USP34: variants seen among roughly 807,000 people sequenced by gnomAD.
USP34 encodes the protein ubiquitin specific peptidase 34, also known as ubiquitin carboxyl-terminal hydrolase 34.
Under a neutral mutation model 460.3 loss-of-function variants are expected in USP34, and 70 were observed. That is an observed-to-expected ratio of 0.15 (90% CI 0.13 to 0.19). The LOEUF (loss-of-function observed/expected upper bound fraction) is 0.19, where lower values mean the gene tolerates loss of function less well. Ranked by LOEUF, USP34 falls within the 10% of genes least tolerant of loss-of-function variation. The probability of loss-of-function intolerance (pLI) is 1.00; values close to 1 mark genes in which losing one functional copy is unlikely to be tolerated. For missense variants in USP34, 3,985 were observed against 4,236.2 expected, an observed-to-expected ratio of 0.94 and a Z score of 1.65; for synonymous variants, 1,647 against 1,405.3, an observed-to-expected ratio of 1.17 and a Z score of -3.85.
Position 61,440,112 on chromosome 2 carries a change from G to C in USP34, c.44-19279C>G, listed in dbSNP as rs1320965561. On this transcript the variant is annotated intron_variant, in intron 1 of 79. Coordinates refer to ENST00000398571, the MANE Select transcript of USP34 (RefSeq NM_014709.4). Reference sequence around the variant, plus strand: ...GAGGCACCTGCCTGAGTGCTACACAGAAAGCCAGCAGCATGGCCGTCCCTC... The same window carrying C: ...GAGGCACCTGCCTGAGTGCTACACACAAAGCCAGCAGCATGGCCGTCCCTC... 3.3e-5 allele frequency among the ~76,000 whole-genome samples: 5 copies of C among 152,098 alleles called. 1 individual carries two copies. The highest frequency in any genetic ancestry group is 1.9e-4 in the East Asian group (1 of 5,176).
At chr2:61,240,263 A>C (rs1688214059) in intron 53 of USP34, among the ~76,000 whole-genome samples, 2 of 152,156 alleles carry the variant, frequency 1.3e-5, no homozygotes, top group South Asian at 4.1e-4. Flanking sequence ...ATAACTACAA[A>C]TGAACACATT....
At chr2:61,301,183 T>G in intron 28 of USP34, 23 bp from the exon 29 acceptor site, 1 of 1,575,152 alleles carries the variant, frequency 6.3e-7, no homozygotes, top group South Asian at 1.2e-5. Context: ...GGAAAAAAAA[T>G]TTATGCATAT....
intron 2 of USP34, among the ~76,000 whole-genome samples, chr2:61,420,142 A>G (rs1026545806): frequency 3.9e-5 from 6 of 152,196 alleles, no homozygotes; most frequent in Admixed American, 6.5e-5. Context: ...ATTCTTACCC[A>G]TAAAATTTTT....
intron 27 of USP34, among the ~76,000 whole-genome samples, chr2:61,303,269 T>C (rs1248149646): frequency 6.6e-6 from 1 of 152,150 alleles, no homozygotes; most frequent in African/African-American, 2.4e-5. Flanking sequence ...TTTCTCCATG[T>C]TGGCCAGGCT....
chr2:61,242,655 G>C (rs1688302211), intron 51 of USP34, among the ~76,000 whole-genome samples: 1 of 152,164 alleles, frequency 6.6e-6, no homozygotes, highest in African/African-American at 2.4e-5. Flanking sequence ...CGAGAATTTA[G>C]TGGTGGGGCT....
In USP34 at chr2:61,393,617, A is replaced by G. The variant is rs146740313; in HGVS notation, c.753+1236T>C. 6.6e-5 allele frequency among the ~76,000 whole-genome samples: 10 copies of G among 152,278 alleles called. No homozygotes were observed. The East Asian group carries it at 1.9e-3, about 29-fold the overall frequency. Reference sequence around the variant, plus strand: ...ACCGCATCACTGCAAAGCACACAGCATTGGAAACAATGCAACAAAATATTT... The same window carrying G: ...ACCGCATCACTGCAAAGCACACAGCGTTGGAAACAATGCAACAAAATATTT... On this transcript the variant is annotated intron_variant, in intron 5 of 79. Coordinates refer to ENST00000398571, the MANE Select transcript of USP34 (RefSeq NM_014709.4).
chr2:61,245,287 A>G lies in USP34; in HGVS notation c.6550T>C (p.Tyr2184His), dbSNP rs973900437. ...TTTACCTCAGCATCATTAAAAAGAT[A>G]CCTAAAATAGAGCATATAGTATTAA... ...NPHAYKNNKW[Y>H]LFNDAEVKPF... The change falls in exon 51 of 80, where the codon TAT becomes CAT. Residue 2184 changes from tyrosine (Y) to histidine (H), a missense_variant and splice_region_variant. This residue lies in a region of USP34 where 70 missense variants were observed against 78.1 expected (regional missense o/e 0.90). Coordinates refer to ENST00000398571, the MANE Select transcript of USP34 (RefSeq NM_014709.4). The G allele has an allele frequency of 6.3e-7, 1 of 1,598,480 alleles. No homozygotes were observed.
intron 21 of USP34, 109 bp downstream of exon 21, chr2:61,325,266 T>TA: frequency 5.9e-6 from 4 of 675,414 alleles, no homozygotes; most frequent in Non-Finnish European, 9.4e-6. Flanking sequence ...ACTCTAAAAT[T>TA]AAATTAAACT....
intron 37 of USP34, 94 bp from the exon 38 acceptor site, chr2:61,281,336 G>A: frequency 1.4e-6 from 2 of 1,418,964 alleles, no homozygotes; most frequent in Non-Finnish European, 1.9e-6. Context: ...TAAATACAAT[G>A]TTCTGCCGGG....
At chr2:61,222,522 C>T in intron 65 of USP34, 97 bp downstream of exon 65, 1 of 919,866 alleles carries the variant, frequency 1.1e-6, no homozygotes, top group Non-Finnish European at 1.7e-6. Flanking sequence ...GGGAGAAACC[C>T]TGATAAATTT....
At chr2:61,344,329 C>T (rs1366348620) in intron 15 of USP34, among the ~76,000 whole-genome samples, 1 of 152,136 alleles carries the variant, frequency 6.6e-6, no homozygotes, top group Non-Finnish European at 1.5e-5. Flanking sequence ...TTATTTTATA[C>T]TCAAAGTCTA....
chr2:61,443,346 T>C (rs961711779), intron 1 of USP34, among the ~76,000 whole-genome samples: 1 of 152,208 alleles, frequency 6.6e-6, no homozygotes, highest in Non-Finnish European at 1.5e-5. Context: ...CTAATTACCC[T>C]GATCTGATCA....
intron 1 of USP34, among the ~76,000 whole-genome samples, chr2:61,464,085 G>A (rs569550331): frequency 2.6e-5 from 4 of 152,288 alleles, no homozygotes; most frequent in South Asian, 4.1e-4. Flanking sequence ...CTGAAAGGCC[G>A]AGGCAGGTGG....
chr2:61,469,004 C>G (rs951717110), intron 1 of USP34, among the ~76,000 whole-genome samples: 9 of 152,110 alleles, frequency 5.9e-5, no homozygotes, highest in African/African-American at 2.2e-4. Flanking sequence ...GTCAGGAGCT[C>G]AAGACCAGCC....
chr2:61,304,046 C>A (rs1690323875), intron 27 of USP34, among the ~76,000 whole-genome samples: 1 of 152,058 alleles, frequency 6.6e-6, no homozygotes, highest in Admixed American at 6.6e-5. Flanking sequence ...TACGGGTGCA[C>A]ACCACCAGGC....
chr2:61,446,871 C>T (rs1695134860), intron 1 of USP34, among the ~76,000 whole-genome samples: 1 of 151,552 alleles, frequency 6.6e-6, no homozygotes, highest in African/African-American at 2.4e-5. Context: ...AATTTTATAA[C>T]ATAATATACT....
intron 41 of USP34, among the ~76,000 whole-genome samples, chr2:61,269,239 C>A (rs182089378): frequency 3.4e-4 from 51 of 152,118 alleles, no homozygotes; most frequent in African/African-American, 1.2e-3. Context: ...TGGCTCACTG[C>A]AGCCTCAATC....
At position 61,325,291 on chromosome 2, in the gene USP34, AC is replaced by A; in HGVS notation, c.3013+83del. On this transcript the variant is annotated intron_variant, in intron 21 of 79. Coordinates refer to ENST00000398571, the MANE Select transcript of USP34 (RefSeq NM_014709.4). ...TAAATTAAACTAAAAAAAAAAAAAA[AC>A]TGCAGAAATCAGAAGCAAAAGTAAA... is the stretch of plus-strand genomic sequence containing the variant. 1.2e-5 allele frequency: 10 copies of A among 840,428 alleles called. No homozygotes were observed. In the East Asian group the frequency reaches 3.1e-4, roughly 26 times the overall value. 52.1% of individuals were successfully genotyped at this position (840,428 alleles called of 1,614,324 possible). A position where few individuals can be genotyped will look rare whatever the true frequency, so the allele number is the denominator to read the frequency against.
chr2:61,241,691 G>C, intron 52 of USP34, 36 bp from the exon 53 acceptor site: 1 of 1,538,136 alleles, frequency 6.5e-7, no homozygotes. Flanking sequence ...TTTTCATTTT[G>C]ACAAAGTATT....
Sources: gnomAD v4.1 joint callset for allele counts (sites outside exome capture counted in the v4.1 genomes callset) on GRCh38, gnomAD v4.1.1 for gene constraint, gnomAD v4.1.1 regional missense constraint, MANE v1.5 for transcripts, NCBI Gene and HGNC (gene_info 2026-07-23, HGNC 2026-07-21) for gene names.